Variants in LRRK1 observed in about 807,000 individuals in gnomAD.
The protein encoded by LRRK1 is leucine rich repeat kinase 1.
A neutral mutation model predicts 209.1 loss-of-function variants in LRRK1; 113 were observed. The ratio of observed to expected loss-of-function variants is 0.54; its 90% CI spans 0.46 to 0.63. The LOEUF is 0.63. Among genes scored for constraint, LRRK1 ranks in the 30% least tolerant of loss-of-function variants. The pLI is 0.00. For synonymous variants in LRRK1, 1,144 were observed against 1,099.7 expected, an observed-to-expected ratio of 1.04 and a Z score of -0.80; for missense variants, 2,284 against 2,632.2, an observed-to-expected ratio of 0.87 and a Z score of 2.89.
chr15:100,988,633 G>T lies in LRRK1; in HGVS notation c.434-1G>T. The stretch of plus-strand genomic sequence containing the variant: ...CCCTTTGTCCTGCCATCTCCTGCCA[G>T]GTCCCTGCAGTCCCCAGCGGCTTCT... On this transcript the variant is annotated splice_acceptor_variant, in intron 4 of 33. Coordinates refer to ENST00000388948, the MANE Select transcript of LRRK1 (RefSeq NM_024652.6). LOFTEE classifies it high-confidence loss of function. The T allele has an allele frequency of 6.2e-7, 1 of 1,614,100 alleles. No homozygotes were observed. The highest frequency in any genetic ancestry group is 8.5e-7 in the Non-Finnish European group (1 of 1,180,036).
chr15:101,025,958 G>T lies in LRRK1; in HGVS notation c.2233-7G>T. On this transcript the variant is annotated splice_region_variant and splice_polypyrimidine_tract_variant and intron_variant, in intron 16 of 33. Transcript: ENST00000388948. ...ACAGTACTCAGCCGTGGGGTTCTCT[G>T]TTGCAGGCCAAGGCCCCAAACGCCG... is the stretch of plus-strand genomic sequence containing the variant. The T allele has an allele frequency of 6.2e-7, 1 of 1,614,094 alleles. No homozygotes were observed. Among genetic ancestry groups the T allele is most frequent in the East Asian group, 2.2e-5 (1 of 44,878 alleles).
chr15:100,947,863 G>A (rs1596183500), intron 2 of LRRK1, among the ~76,000 whole-genome samples: 1 of 152,242 alleles, frequency 6.6e-6, no homozygotes, highest in East Asian at 1.9e-4. Context: ...AAGTAGAGGA[G>A]GAGAAATGAA....
intron 2 of LRRK1, among the ~76,000 whole-genome samples, chr15:100,970,642 T>C (rs1367614522): frequency 6.6e-6 from 1 of 152,240 alleles, no homozygotes; most frequent in African/African-American, 2.4e-5. Context: ...TTTTTCAAGA[T>C]TGCTTTGGCT....
intron 6 of LRRK1, among the ~76,000 whole-genome samples, chr15:100,993,732 C>T (rs931111927): frequency 6.6e-6 from 1 of 152,146 alleles, no homozygotes; most frequent in African/African-American, 2.4e-5. Context: ...TTCTTTTGAA[C>T]GAGGGATCCA....
At chr15:100,956,946 T>A (rs2042778790) in intron 2 of LRRK1, among the ~76,000 whole-genome samples, 1 of 152,244 alleles carries the variant, frequency 6.6e-6, no homozygotes, top group African/African-American at 2.4e-5. Flanking sequence ...AACTTTCATC[T>A]TAGAACTGCT....
At position 101,022,639 on chromosome 15, in the gene LRRK1, A is replaced by T; in HGVS notation, c.2067+42A>T. 7.1e-7 allele frequency: 1 copy of T among 1,402,578 alleles called. No individual in the cohort carries two copies. The highest frequency in any genetic ancestry group is 9.8e-7 in the Non-Finnish European group (1 of 1,019,470). 86.9% of individuals were successfully genotyped at this position (1,402,578 alleles called of 1,614,324 possible). ...GTGCAGAGTCCCTGTGGGTGGGAGG[A>T]ACATCCCTTGGACTCCTTCTCCCTT... On this transcript the variant is annotated intron_variant, in intron 15 of 33. Transcript: ENST00000388948. This position sits in a 1 kb window ranked among gnomAD's most constrained non-coding sequence, Gnocchi z 4.0.
intron 20 of LRRK1, among the ~76,000 whole-genome samples, chr15:101,040,779 A>G (rs1438608846): frequency 6.6e-6 from 1 of 152,238 alleles, no homozygotes; most frequent in Non-Finnish European, 1.5e-5. Context: ...AATATATTCT[A>G]AGATTTCTGT....
rs772860412 is a variant in LRRK1 at position 100,924,586 on chromosome 15, T to A, written c.-47T>A. The A allele has an allele frequency of 6.4e-7, 1 of 1,565,982 alleles. No individual in the cohort carries two copies. Among genetic ancestry groups the A allele is most frequent in the East Asian group, 2.2e-5 (1 of 44,644 alleles). On this transcript the variant is annotated 5_prime_UTR_variant, in exon 2 of 34. An upstream open reading frame in the 5' UTR loses its in-frame stop. Coordinates refer to ENST00000388948, the MANE Select transcript of LRRK1 (RefSeq NM_024652.6). ...ACCCCACAGCCAGCGGCAGTGGCAG[T>A]GACAACAGCGGGACCTGCCTTTGAA...
intron 2 of LRRK1, among the ~76,000 whole-genome samples, chr15:100,961,807 G>A (rs374408310): frequency 1.0e-3 from 157 of 152,294 alleles, no homozygotes; most frequent in South Asian, 5.6e-3. Context: ...GTCACCTTGT[G>A]GTGAGTGATG....
intron 2 of LRRK1, among the ~76,000 whole-genome samples, chr15:100,941,302 ATGTGTGTGTGTCTG>A (rs1349977772): frequency 0.026 from 399 of 15,078 alleles, 20 homozygotes; most frequent in African/African-American, 0.067. Context: ...GTGTGTGTCT[ATGTGTGTGTGTCTG>A]TGTGTGTGTG....
At chr15:101,059,654 C>A (rs1354048002) in intron 29 of LRRK1, among the ~76,000 whole-genome samples, 1 of 151,098 alleles carries the variant, frequency 6.6e-6, no homozygotes, top group Non-Finnish European at 1.5e-5. Flanking sequence ...TAAAAGCCTG[C>A]AGTTCTGAAT....
chr15:100,978,109 TG>T (rs1481025916), intron 3 of LRRK1, among the ~76,000 whole-genome samples: 2 of 150,948 alleles, frequency 1.3e-5, no homozygotes, highest in Admixed American at 6.6e-5. Flanking sequence ...ACTCAATGAA[TG>T]GGCTCAACTG....
intron 23 of LRRK1, 57 bp from the exon 24 acceptor site, chr15:101,051,654 G>A (rs1050795647): frequency 1.2e-5 from 17 of 1,428,276 alleles, no homozygotes; most frequent in East Asian, 7.6e-5. Flanking sequence ...GTGCTGCTCG[G>A]GGGGCCCTCC....
In LRRK1 at chr15:101,024,711, C is replaced by CCAGCCTCCAGAGTT; in HGVS notation, c.2068-91_2068-78dup. The CCAGCCTCCAGAGTT allele has an allele frequency of 7.3e-7, 1 of 1,366,558 alleles. No individual in the cohort carries two copies. The highest frequency in any genetic ancestry group is 1.0e-6 in the Non-Finnish European group (1 of 992,346). The allele number at this position is 1,366,558 out of a possible 1,614,324, so 84.7% of individuals were successfully genotyped here. On this transcript the variant is annotated intron_variant, in intron 15 of 33. Coordinates refer to ENST00000388948, the MANE Select transcript of LRRK1 (RefSeq NM_024652.6). This position sits in a 1 kb window ranked among gnomAD's most constrained non-coding sequence, Gnocchi z 4.6. ...CGGTTGTTTTTTCAGACCCCCGAGT[C>CCAGCCTCCAGAGTT]CAGCCTCCAGAGTTATCCGTTGTCT... is the stretch of plus-strand genomic sequence containing the variant.
intron 2 of LRRK1, 132 bp from the exon 3 acceptor site, chr15:100,973,672 C>T (rs1275301869): frequency 7.5e-6 from 7 of 934,794 alleles, no homozygotes; most frequent in African/African-American, 1.7e-5. Flanking sequence ...CGCGGGGCCA[C>T]CCCTCTCTCT....
At chr15:100,943,047 T>C (rs1036299915) in intron 2 of LRRK1, among the ~76,000 whole-genome samples, 1 of 152,224 alleles carries the variant, frequency 6.6e-6, no homozygotes, top group African/African-American at 2.4e-5. Flanking sequence ...AATAAAAATA[T>C]GCACAAACTG....
chr15:100,976,137 G>A (rs2031279094), intron 3 of LRRK1, among the ~76,000 whole-genome samples: 1 of 152,232 alleles, frequency 6.6e-6, no homozygotes, highest in South Asian at 2.1e-4. Flanking sequence ...CAGAAAGCAT[G>A]AATAGTCTTT....
intron 7 of LRRK1, 49 bp from the exon 8 acceptor site, chr15:101,010,401 T>G (rs1414016342): frequency 6.4e-7 from 1 of 1,566,418 alleles, no homozygotes; most frequent in Admixed American, 2.1e-5. Flanking sequence ...GTAAATTTGG[T>G]GTTTTCCCTC....
chr15:100,949,532 A>G (rs151316450), intron 2 of LRRK1, among the ~76,000 whole-genome samples: 2 of 152,306 alleles, frequency 1.3e-5, no homozygotes, highest in African/African-American at 4.8e-5. Context: ...AGTCTATGAA[A>G]CCAGTATTAC....
Sources: gnomAD v4.1 joint callset for allele counts (sites outside exome capture counted in the v4.1 genomes callset) on GRCh38, gnomAD v4.1.1 for gene constraint, Gnocchi (gnomAD v3.1) non-coding constraint, MANE v1.5 for transcripts, NCBI Gene and HGNC (gene_info 2026-07-23, HGNC 2026-07-21) for gene names.